DAP3: variants seen among roughly 807,000 people sequenced by gnomAD.
DAP3 encodes the protein death associated protein 3.
DAP3 carries 28 observed loss-of-function variants against 51.9 expected under a neutral mutation model. The ratio of observed to expected loss-of-function variants is 0.54; its 90% CI spans 0.40 to 0.74. The LOEUF is 0.74. Ranked by LOEUF, DAP3 falls within the 30% of genes least tolerant of loss-of-function variation. The probability of loss-of-function intolerance (pLI) is 0.00; values close to 1 mark genes in which losing one functional copy is unlikely to be tolerated. For synonymous variants in DAP3, 170 were observed against 170.3 expected (o/e 1.00, Z 0.01); for missense variants, 458 against 483.5 (o/e 0.95, Z 0.49).
chr1:155,729,420 A>G, intron 9 of DAP3, 54 bp downstream of exon 9: 2 of 1,597,942 alleles, frequency 1.3e-6, no homozygotes, highest in African/African-American at 1.3e-5. Context: ...TTCCATCAGT[A>G]TGGAGGCTGG....
At chr1:155,716,222 T>C (rs1051383540) in intron 2 of DAP3, among the ~76,000 whole-genome samples, 1 of 152,188 alleles carries the variant, frequency 6.6e-6, no homozygotes, top group African/African-American at 2.4e-5. Flanking sequence ...AATAATGTCA[T>C]TGGACTTAGT....
intron 4 of DAP3, among the ~76,000 whole-genome samples, chr1:155,724,704 C>T (rs1303955790): frequency 6.6e-6 from 1 of 151,468 alleles, no homozygotes; most frequent in Non-Finnish European, 1.5e-5. Flanking sequence ...CGCCTGTAAT[C>T]CCTGCACTTT....
chr1:155,729,430 G>A, intron 9 of DAP3, 64 bp downstream of exon 9: 1 of 1,576,604 alleles, frequency 6.3e-7, no homozygotes, highest in Non-Finnish European at 8.6e-7. Context: ...ATGGAGGCTG[G>A]GTCTTAGCCT....
chr1:155,731,278 AAT>A, intron 9 of DAP3, 76 bp from the exon 10 acceptor site: 2 of 1,481,492 alleles, frequency 1.3e-6, no homozygotes, highest in South Asian at 1.2e-5. Context: ...AAAAAAAAAA[AAT>A]TGTTGTCAAT....
chr1:155,709,029 G>A (rs1656367312), intron 1 of DAP3: 2 of 151,720 alleles, frequency 1.3e-5, no homozygotes, highest in Non-Finnish European at 1.5e-5. Flanking sequence ...ATATTTTTTG[G>A]TAGAGATGAA....
upstream of DAP3, chr1:155,688,207 G>A (rs1652844779): frequency 6.2e-7 from 1 of 1,613,852 alleles, no homozygotes; most frequent in East Asian, 2.2e-5. Context: ...GCCGACTGGC[G>A]GAAATGCGAG....
At chr1:155,708,143 G>C (rs1052208563) in intron 1 of DAP3, among the ~76,000 whole-genome samples, 2 of 152,144 alleles carry the variant, frequency 1.3e-5, no homozygotes, top group Admixed American at 1.3e-4. Flanking sequence ...TGCCTCCCAG[G>C]TTCAAGGAAT....
At chr1:155,710,443 G>GAC (rs1656555455) in intron 2 of DAP3, 1 of 152,048 alleles carries the variant, frequency 6.6e-6, no homozygotes, top group African/African-American at 2.4e-5. Flanking sequence ...TATTAGCTAG[G>GAC]CTGGTCTCGA....
intron 3 of DAP3, among the ~76,000 whole-genome samples, chr1:155,720,546 G>A (rs1657869391): frequency 6.6e-6 from 1 of 151,902 alleles, no homozygotes; most frequent in Admixed American, 6.6e-5. Context: ...TACTTGGGAG[G>A]GTGAGGCAGG....
At chr1:155,719,901 C>T (rs919346254) in intron 3 of DAP3, among the ~76,000 whole-genome samples, 2 of 151,988 alleles carry the variant, frequency 1.3e-5, no homozygotes, top group Admixed American at 6.6e-5. Flanking sequence ...CCCAGCTACT[C>T]GAGAGGTTTA....
chr1:155,689,135 T>A lies in DAP3; in HGVS notation c.-47T>A. ...TTTGGAGCCGGCCCCAGGCAGCGTG[T>A]GTCGGTCGCCTAGTCTGGAGAACTA... On this transcript the variant is annotated 5_prime_UTR_variant, in exon 1 of 13. Transcript: ENST00000368336. The A allele has an allele frequency of 1.1e-6, 1 of 948,318 alleles. No individual in the cohort carries two copies. The highest frequency in any genetic ancestry group is 1.6e-6 in the Non-Finnish European group (1 of 615,338). 58.7% of individuals were successfully genotyped at this position (948,318 alleles called of 1,614,324 possible).
chr1:155,727,813 A>G (rs1571548896), intron 7 of DAP3, 75 bp downstream of exon 7: 1 of 1,468,038 alleles, frequency 6.8e-7, no homozygotes, highest in East Asian at 2.4e-5. Flanking sequence ...CCAATAGACT[A>G]TGGAGAACTG....
intron 11 of DAP3, 149 bp from the exon 12 acceptor site, chr1:155,736,796 TC>T: frequency 1.4e-6 from 1 of 711,454 alleles, no homozygotes; most frequent in South Asian, 1.5e-5. Context: ...ATATGTGGAG[TC>T]CTGTATCAGG....
At chr1:155,689,839 G>T (rs1653456411) in intron 1 of DAP3, among the ~76,000 whole-genome samples, 2 of 152,186 alleles carry the variant, frequency 1.3e-5, no homozygotes, top group South Asian at 4.1e-4. Flanking sequence ...TTGAACCCGG[G>T]CGGCGGAAGT....
At chr1:155,730,794 T>A (rs960418097) in intron 9 of DAP3, among the ~76,000 whole-genome samples, 1 of 151,934 alleles carries the variant, frequency 6.6e-6, no homozygotes, top group Non-Finnish European at 1.5e-5. Context: ...TCAAAATGAG[T>A]CTAGATGGTC....
chr1:155,727,523 C>T (rs1362882678), intron 6 of DAP3, 85 bp from the exon 7 acceptor site: 2 of 1,416,050 alleles, frequency 1.4e-6, no homozygotes, highest in Non-Finnish European at 1.9e-6. Context: ...AAAGTCATTT[C>T]CCATAACTTA....
At chr1:155,695,820 A>G (rs1270104087) in intron 1 of DAP3, among the ~76,000 whole-genome samples, 3 of 152,206 alleles carry the variant, frequency 2.0e-5, no homozygotes, top group African/African-American at 4.8e-5. Context: ...GGTCCCACAT[A>G]TGCCGCTTTC....
rs61306527 is a variant in DAP3 at position 155,737,771 on chromosome 1, C to CAAA, written c.1112-375_1112-373dup. 7.2e-4 allele frequency among the ~76,000 whole-genome samples: 100 copies of CAAA among 138,204 alleles called. No individual in the cohort carries two copies. The Middle Eastern group carries it at 0.026, about 36-fold the overall frequency. The allele number at this position is 138,204 out of a possible 152,430, so 90.7% of individuals were successfully genotyped here. A position where few individuals can be genotyped will look rare whatever the true frequency, so the allele number is the denominator to read the frequency against. The stretch of plus-strand genomic sequence containing the variant: ...GAGACCCCATCTCTATTGAAAAAAG[C>CAAA]AAAAAAAAAAAAATACTATTTAGAA... On this transcript the variant is annotated intron_variant, in intron 12 of 12. Transcript: ENST00000368336.
At chr1:155,736,863 C>T in intron 11 of DAP3, 83 bp from the exon 12 acceptor site, 1 of 1,115,202 alleles carries the variant, frequency 9.0e-7, no homozygotes, top group Non-Finnish European at 1.4e-6. Context: ...AAATACCTTA[C>T]CTTCAAAGTG....
Sources: gnomAD v4.1 joint callset for allele counts (sites outside exome capture counted in the v4.1 genomes callset) on GRCh38, gnomAD v4.1.1 for gene constraint, MANE v1.5 for transcripts, NCBI Gene and HGNC (gene_info 2026-07-23, HGNC 2026-07-21) for gene names.